Variants in WDR7 observed in about 807,000 individuals in gnomAD.
WDR7 encodes WD repeat domain 7.
A neutral mutation model predicts 169.4 loss-of-function variants in WDR7; 46 were observed. The ratio of observed to expected loss-of-function variants is 0.27; its 90% CI spans 0.21 to 0.35. The LOEUF (loss-of-function observed/expected upper bound fraction) is 0.35. Among genes scored for constraint, WDR7 ranks in the 10% least tolerant of loss-of-function variants. The pLI is 1.00. For synonymous variants in WDR7, 612 were observed against 666.8 expected (o/e 0.92, Z 1.27); for missense variants, 1,534 against 1,859.3 (o/e 0.83, Z 3.22).
chr18:56,852,079 T>G (rs2045648506), intron 20 of WDR7, among the ~76,000 whole-genome samples: 1 of 152,182 alleles, frequency 6.6e-6, no homozygotes, highest in South Asian at 2.1e-4. Flanking sequence ...CTTTCATTCC[T>G]CCATGCCTGT....
At chr18:56,673,388 C>T (rs1293057954) in intron 2 of WDR7, among the ~76,000 whole-genome samples, 1 of 152,124 alleles carries the variant, frequency 6.6e-6, no homozygotes, top group Non-Finnish European at 1.5e-5. Flanking sequence ...GGATAATAGC[C>T]TTATTGAGAT....
intron 1 of WDR7, among the ~76,000 whole-genome samples, chr18:56,652,203 T>C (rs2024671626): frequency 6.6e-6 from 1 of 152,168 alleles, no homozygotes; most frequent in Non-Finnish European, 1.5e-5. Context: ...ACTTAGTATG[T>C]CACTTTTTGA....
At chr18:56,868,931 C>T (rs1427387316) in intron 20 of WDR7, among the ~76,000 whole-genome samples, 2 of 151,958 alleles carry the variant, frequency 1.3e-5, no homozygotes, top group African/African-American at 4.8e-5. Flanking sequence ...AATTTCCTTT[C>T]AAACTGAGAA....
chr18:56,897,462 TTTA>T (rs1374542912), intron 21 of WDR7, among the ~76,000 whole-genome samples: 5 of 151,562 alleles, frequency 3.3e-5, no homozygotes, highest in Non-Finnish European at 7.4e-5. Context: ...AATGAAATAA[TTTA>T]TTATTAGGGA....
rs1028171793 is a variant in WDR7 at position 56,704,897 on chromosome 18, T to G, written c.1578+8435T>G. Among the ~76,000 whole-genome samples, 3 of 152,224 alleles carry G rather than the reference T, an allele frequency of 2.0e-5. No individual in the cohort carries two copies. The South Asian group carries it at 6.2e-4, about 32-fold the overall frequency. ...ATGAAGTAGCTGATTAAATTGACTT[T>G]TTATTTTGGACTGGAGAGAAAGTAT... is the stretch of plus-strand genomic sequence containing the variant. On this transcript the variant is annotated intron_variant, in intron 12 of 27. Transcript: ENST00000254442.
intron 26 of WDR7, among the ~76,000 whole-genome samples, chr18:56,990,460 A>G (rs1436393804): frequency 6.6e-6 from 1 of 152,212 alleles, no homozygotes; most frequent in African/African-American, 2.4e-5. Context: ...TTACATTAAA[A>G]ACAAACATCC....
At chr18:56,769,924 A>AT (rs973335551) in intron 16 of WDR7, among the ~76,000 whole-genome samples, 1 of 151,860 alleles carries the variant, frequency 6.6e-6, no homozygotes, top group Non-Finnish European at 1.5e-5. Flanking sequence ...CTGTGCCTTT[A>AT]TTTTTTTTAA....
chr18:56,679,424 T>C lies in WDR7; in HGVS notation c.252T>C (p.Ser84=). ...CCAGTGACAAACAGTATATTGTGAG[T>C]GCATCTGAAAGTGGGTAAGTATTTT... ...CASSDKQYIV[S]ASESGEMCLW... Residue 84 remains serine, a synonymous_variant, in exon 3 of 28, where the codon AGT becomes AGC. Transcript: ENST00000254442. 6.2e-7 allele frequency: 1 copy of C among 1,604,016 alleles called. No homozygotes were observed. Among genetic ancestry groups the C allele is most frequent in the Non-Finnish European group, 8.5e-7 (1 of 1,172,116 alleles).
At chr18:56,988,644 C>T (rs1266938281) in intron 26 of WDR7, among the ~76,000 whole-genome samples, 1 of 126,660 alleles carries the variant, frequency 7.9e-6, no homozygotes, top group South Asian at 2.7e-4. Flanking sequence ...TGTATAGAGT[C>T]GTCGCAATTT....
intron 22 of WDR7, among the ~76,000 whole-genome samples, chr18:56,927,612 TA>T (rs909093416): frequency 6.6e-6 from 1 of 151,114 alleles, no homozygotes; most frequent in African/African-American, 2.4e-5. Context: ...ACCCGACTCT[TA>T]AAAAAAAATA....
At chr18:56,820,802 AT>A (rs974210869) in intron 20 of WDR7, among the ~76,000 whole-genome samples, 2 of 151,930 alleles carry the variant, frequency 1.3e-5, no homozygotes, top group Admixed American at 6.6e-5. Context: ...ATAGAATCAA[AT>A]TTTTTTTGTA....
intron 21 of WDR7, among the ~76,000 whole-genome samples, chr18:56,899,742 C>G (rs964406725): frequency 2.6e-5 from 4 of 151,916 alleles, no homozygotes; most frequent in Non-Finnish European, 5.9e-5. Flanking sequence ...CTGTACAAGC[C>G]TGAAACTAAT....
intron 20 of WDR7, among the ~76,000 whole-genome samples, chr18:56,863,509 G>A (rs2045838029): frequency 6.6e-6 from 1 of 151,678 alleles, no homozygotes; most frequent in African/African-American, 2.4e-5. Context: ...GTCAGGTTCA[G>A]TGGTACTAAT....
chr18:56,972,373 G>A (rs1392944536), intron 26 of WDR7, among the ~76,000 whole-genome samples: 1 of 152,186 alleles, frequency 6.6e-6, no homozygotes, highest in Admixed American at 6.5e-5. Flanking sequence ...TGAGCTTCGG[G>A]CACAGTTTTC....
intron 22 of WDR7, among the ~76,000 whole-genome samples, chr18:56,929,910 C>T (rs1225437478): frequency 1.3e-5 from 2 of 152,152 alleles, no homozygotes; most frequent in East Asian, 1.9e-4. Context: ...CAGAAAATCC[C>T]ACTATACTAA....
intron 12 of WDR7, among the ~76,000 whole-genome samples, chr18:56,709,889 T>C (rs1480009251): frequency 2.0e-5 from 3 of 151,984 alleles, no homozygotes; most frequent in Admixed American, 6.6e-5. Context: ...TCATTCCACC[T>C]TGATTAATGT....
intron 1 of WDR7, among the ~76,000 whole-genome samples, chr18:56,659,799 T>C (rs1042722521): frequency 1.3e-5 from 2 of 152,008 alleles, no homozygotes; most frequent in South Asian, 4.2e-4. Flanking sequence ...AGAGTTGGCT[T>C]TTGCTATGTG....
chr18:56,755,703 A>G (rs1427529636), intron 14 of WDR7, among the ~76,000 whole-genome samples: 1 of 152,194 alleles, frequency 6.6e-6, no homozygotes, highest in Admixed American at 6.6e-5. Flanking sequence ...AGAGCCATCT[A>G]CATATAGGTG....
At chr18:56,987,923 T>G (rs2047747970) in intron 26 of WDR7, among the ~76,000 whole-genome samples, 1 of 152,266 alleles carries the variant, frequency 6.6e-6, no homozygotes, top group Admixed American at 6.5e-5. Flanking sequence ...TTGAACATTT[T>G]ACATACTGTG....
Sources: gnomAD v4.1 joint callset for allele counts (sites outside exome capture counted in the v4.1 genomes callset) on GRCh38, gnomAD v4.1.1 for gene constraint, MANE v1.5 for transcripts, NCBI Gene and HGNC (gene_info 2026-07-23, HGNC 2026-07-21) for gene names.